The following VPS26B variants were observed in gnomAD, a reference collection of about 807,000 sequenced individuals.
VPS26B encodes vacuolar protein sorting-associated protein 26B.
VPS26B carries 10 observed loss-of-function variants against 33.3 expected under a neutral mutation model. The ratio of observed to expected loss-of-function variants is 0.30; its 90% confidence interval spans 0.19 to 0.51. The LOEUF (loss-of-function observed/expected upper bound fraction) is 0.51, where lower values mean the gene tolerates loss of function less well. Ranked by LOEUF, VPS26B falls within the 20% of genes least tolerant of loss-of-function variation. VPS26B has a pLI of 0.98. For synonymous variants in VPS26B, 190 were observed against 176.9 expected (o/e 1.07, Z -0.59); for missense variants, 317 against 452.7 (o/e 0.70, Z 2.72).
intron 1 of VPS26B, 88 bp from the exon 2 acceptor site, chr11:134,234,809 C>T (rs747693570): frequency 4.5e-5 from 68 of 1,526,412 alleles, no homozygotes; most frequent in Middle Eastern, 1.8e-4. Context: ...AAAGCAGTCC[C>T]TCCAGCCTAC....
At chr11:134,241,288 C>T (rs926580109) in intron 3 of VPS26B, among the ~76,000 whole-genome samples, 11 of 152,134 alleles carry the variant, frequency 7.2e-5, no homozygotes, top group Non-Finnish European at 8.8e-5. Flanking sequence ...AGATGGCTCA[C>T]CTTTGAAGGG....
At position 134,228,147 on chromosome 11, in the gene VPS26B, G is replaced by A. The variant is rs548434717; in HGVS notation, c.223+2802G>A. Among the ~76,000 whole-genome samples, 12 of 152,336 alleles carry A rather than the reference G, an allele frequency of 7.9e-5. No individual in the cohort carries two copies. The South Asian group carries it at 2.5e-3, about 32-fold the overall frequency. ...GCTTTGGGATGTATTTCTTGATCAA[G>A]AACAAGGCATTAGAATAACCTTTGT... On this transcript the variant is annotated intron_variant, in intron 1 of 5. Transcript: ENST00000281187.
chr11:134,227,929 G>T (rs1197117747), intron 1 of VPS26B, among the ~76,000 whole-genome samples: 2 of 152,244 alleles, frequency 1.3e-5, no homozygotes, highest in Non-Finnish European at 2.9e-5. Context: ...CTACTGATAA[G>T]GAGTGCATGT....
chr11:134,227,130 G>A (rs1041406217), intron 1 of VPS26B, among the ~76,000 whole-genome samples: 2 of 152,140 alleles, frequency 1.3e-5, no homozygotes, highest in African/African-American at 2.4e-5. Context: ...GACAACAGTA[G>A]CATCCCCCAC....
intron 2 of VPS26B, among the ~76,000 whole-genome samples, chr11:134,237,290 G>A (rs1591880832): frequency 6.6e-6 from 1 of 152,156 alleles, no homozygotes; most frequent in Admixed American, 6.5e-5. Context: ...TATGATTTTG[G>A]TGGCTGTAAT....
rs758944517 is a variant in VPS26B at position 134,225,094 on chromosome 11, TACCGAG to T, written c.-25_-20del. The T allele has an allele frequency of 3.8e-5, 60 of 1,574,980 alleles. No homozygotes were observed. The highest frequency in any genetic ancestry group is 5.1e-5 in the Non-Finnish European group (59 of 1,158,834). ...CGCCCCGGTGCGAGGGAGCGGTCCTTACCGAGACCCGCCCGGCCCGGCGGTGCGATG... is the reference window on the plus strand; with the variant it reads ...CGCCCCGGTGCGAGGGAGCGGTCCTTACCCGCCCGGCCCGGCGGTGCGATG... On this transcript the variant is annotated 5_prime_UTR_variant, in exon 1 of 6. Coordinates refer to ENST00000281187, the MANE Select transcript of VPS26B (RefSeq NM_052875.5).
At position 134,245,280 on chromosome 11, in the gene VPS26B, C is replaced by T. The variant is rs1378526823; in HGVS notation, c.865-164C>T. On this transcript the variant is annotated intron_variant, in intron 5 of 5. Coordinates refer to ENST00000281187, the MANE Select transcript of VPS26B (RefSeq NM_052875.5). The surrounding 1 kb of genome is among the most constrained non-coding windows in gnomAD (Gnocchi z 4.7). ...CTCCTGCAACCACCTGCCCTTTTGG[C>T]CCACACCAGGGACAGGGAGGTGCTG... Among the ~76,000 whole-genome samples, 1 of 152,214 alleles carries T rather than the reference C, an allele frequency of 6.6e-6. No homozygotes were observed. Among genetic ancestry groups the T allele is most frequent in the Non-Finnish European group, 1.5e-5 (1 of 68,040 alleles).
chr11:134,245,139 T>C lies in VPS26B; in HGVS notation c.864+59T>C. 6.3e-7 allele frequency: 1 copy of C among 1,583,138 alleles called. No homozygotes were observed. Among genetic ancestry groups the C allele is most frequent in the Non-Finnish European group, 8.6e-7 (1 of 1,167,640 alleles). On this transcript the variant is annotated intron_variant, in intron 5 of 5. Transcript: ENST00000281187. This position sits in a 1 kb window ranked among gnomAD's most constrained non-coding sequence, Gnocchi z 4.7. Reference sequence around the variant, plus strand: ...TTGGGACAGAACAGGAGGCTCTCTTTCCTATGGAAGGTCAGACTCCATTTT... The same window carrying C: ...TTGGGACAGAACAGGAGGCTCTCTTCCCTATGGAAGGTCAGACTCCATTTT...
intron 2 of VPS26B, among the ~76,000 whole-genome samples, chr11:134,239,189 G>A (rs1013481449): frequency 2.0e-5 from 3 of 152,078 alleles, no homozygotes; most frequent in Non-Finnish European, 4.4e-5. Flanking sequence ...AGGGATCCTA[G>A]GTTCAGCCAG....
chr11:134,240,523 T>A lies in VPS26B; in HGVS notation c.545+368T>A, dbSNP rs1242448989. On this transcript the variant is annotated intron_variant, in intron 3 of 5. Transcript: ENST00000281187. The surrounding 1 kb of genome is among the most constrained non-coding windows in gnomAD (Gnocchi z 4.4). ...CTCAGAATACCATTCCATTATCATGTGCTCCCTCCATCTGTGTCTTCAGAA... is the reference window on the plus strand; with the variant it reads ...CTCAGAATACCATTCCATTATCATGAGCTCCCTCCATCTGTGTCTTCAGAA... Among the ~76,000 whole-genome samples, 1 of 152,238 alleles carries A rather than the reference T, an allele frequency of 6.6e-6. No homozygotes were observed. The highest frequency in any genetic ancestry group is 1.9e-4 in the East Asian group (1 of 5,200).
At chr11:134,242,155 T>TTTAC in intron 3 of VPS26B, among the ~76,000 whole-genome samples, 1 of 152,342 alleles carries the variant, frequency 6.6e-6, no homozygotes, top group Non-Finnish European at 1.5e-5. Context: ...AAGCATCCCC[T>TTTAC]GTAAGATGGC....
At chr11:134,239,890 C>A (rs1591882232) in intron 2 of VPS26B, 101 bp from the exon 3 acceptor site, 4 of 1,361,808 alleles carry the variant, frequency 2.9e-6, no homozygotes. Flanking sequence ...GGGTTAAGAA[C>A]CTTTGTACAG....
chr11:134,243,742 G>GCA (rs910713924), intron 4 of VPS26B: 2 of 160,118 alleles, frequency 1.2e-5, no homozygotes, highest in African/African-American at 4.8e-5. Context: ...GGTAGAAAGA[G>GCA]CACTACTAGA....
intron 1 of VPS26B, among the ~76,000 whole-genome samples, chr11:134,226,407 C>CA: frequency 6.6e-6 from 1 of 151,926 alleles, no homozygotes; most frequent in Non-Finnish European, 1.5e-5. Flanking sequence ...GACCCTGTCT[C>CA]AAAAAAATAA....
intron 2 of VPS26B, among the ~76,000 whole-genome samples, chr11:134,238,362 G>T (rs1055681064): frequency 2.0e-5 from 3 of 152,136 alleles, no homozygotes; most frequent in African/African-American, 7.2e-5. Context: ...TGACTGGGAA[G>T]GCCTTCATCT....
Position 134,225,209 on chromosome 11 carries a change from G to A in VPS26B, c.87G>A (p.Thr29=), listed in dbSNP as rs1938424883. Residue 29 remains threonine (T), a synonymous_variant, in exon 1 of 6, where the codon ACG becomes ACA. Coordinates refer to ENST00000281187, the MANE Select transcript of VPS26B (RefSeq NM_052875.5). ...GTAGGAAGCGGGCCGAGCACAAGAC[G>A]GAGGACGGGAAGAAGGAGAAATATT... ...AESRKRAEHK[T]EDGKKEKYFL... is the part of the protein sequence containing the mutation. 2 of 1,614,168 alleles carry A rather than the reference G, an allele frequency of 1.2e-6. No homozygotes were observed. The highest frequency in any genetic ancestry group is 1.7e-6 in the Non-Finnish European group (2 of 1,179,980).
intron 2 of VPS26B, among the ~76,000 whole-genome samples, chr11:134,237,117 TACAC>T (rs1267174470): frequency 6.6e-6 from 1 of 152,242 alleles, no homozygotes; most frequent in Non-Finnish European, 1.5e-5. Context: ...TTTTTCTTAT[TACAC>T]AGGCAGAGGG....
At chr11:134,231,040 G>T (rs1938548557) in intron 1 of VPS26B, among the ~76,000 whole-genome samples, 2 of 152,222 alleles carry the variant, frequency 1.3e-5, no homozygotes, top group African/African-American at 4.8e-5. Flanking sequence ...AACTGTAACT[G>T]TGAGAAGAAG....
At chr11:134,231,332 C>G (rs1237792397) in intron 1 of VPS26B, among the ~76,000 whole-genome samples, 1 of 152,006 alleles carries the variant, frequency 6.6e-6, no homozygotes, top group Non-Finnish European at 1.5e-5. Context: ...CCTTGAAACA[C>G]TAAGTAAAAG....
Sources: gnomAD v4.1 joint callset for allele counts (sites outside exome capture counted in the v4.1 genomes callset) on GRCh38, gnomAD v4.1.1 for gene constraint, Gnocchi (gnomAD v3.1) non-coding constraint, MANE v1.5 for transcripts, NCBI Gene and HGNC (gene_info 2026-07-23, HGNC 2026-07-21) for gene names.